The following ATP6V1C2 variants were observed in gnomAD, a reference collection of about 807,000 sequenced individuals.
ATP6V1C2 encodes ATPase H+ transporting V1 subunit C2, also known as V-type proton ATPase subunit C 2.
A neutral mutation model predicts 56.8 loss-of-function variants in ATP6V1C2; 45 were observed. The ratio of observed to expected loss-of-function variants is 0.79; its 90% CI spans 0.62 to 1.02. ATP6V1C2 has a LOEUF of 1.02. ATP6V1C2 is among the 50% of genes least tolerant of loss of function. The probability of loss-of-function intolerance (pLI) is 0.00; values close to 1 mark genes in which losing one functional copy is unlikely to be tolerated. For synonymous variants in ATP6V1C2, 220 were observed against 201.3 expected (o/e 1.09, Z -0.79); for missense variants, 463 against 519.7 (o/e 0.89, Z 1.06).
At chr2:10,721,124 T>C (rs979852968), upstream of ATP6V1C2, among the ~76,000 whole-genome samples, 1 of 152,148 alleles carries the variant, frequency 6.6e-6, no homozygotes, top group Non-Finnish European at 1.5e-5. Flanking sequence ...AGCTTCGCTG[T>C]CTACGCAGGT....
At chr2:10,770,998 G>A (rs1045140685) in intron 6 of ATP6V1C2, among the ~76,000 whole-genome samples, 8 of 152,218 alleles carry the variant, frequency 5.3e-5, no homozygotes, top group African/African-American at 1.9e-4. Context: ...TAAGGGTAAC[G>A]TGTTCAGTGC....
chr2:10,772,896 G>T (rs1399901363), intron 8 of ATP6V1C2, among the ~76,000 whole-genome samples: 1 of 152,226 alleles, frequency 6.6e-6, no homozygotes, highest in Non-Finnish European at 1.5e-5. Flanking sequence ...GCTGCATTCT[G>T]GCTCTGTGTT....
In ATP6V1C2 at chr2:10,782,282, G is replaced by A; in HGVS notation, c.1101G>A (p.Gln367=). ...TGAACTTCCAGGCAGTGCTCCTGCA[G>A]CCGCATAAGAAGTCATCCACCAAGC... ...LPVNFQAVLL[Q]PHKKSSTKRL... Residue 367 remains glutamine, a synonymous_variant, in exon 13 of 14, where the codon CAG becomes CAA. Transcript: ENST00000272238. 1 of 1,614,226 alleles carries A rather than the reference G, an allele frequency of 6.2e-7. No individual in the cohort carries two copies. The highest frequency in any genetic ancestry group is 8.5e-7 in the Non-Finnish European group (1 of 1,180,052).
chr2:10,775,312 G>T (rs967767490), intron 10 of ATP6V1C2, among the ~76,000 whole-genome samples: 1 of 152,336 alleles, frequency 6.6e-6, no homozygotes, highest in Non-Finnish European at 1.5e-5. Context: ...CCAAGCTGGC[G>T]CTTTCCACAT....
intron 3 of ATP6V1C2, among the ~76,000 whole-genome samples, chr2:10,737,797 G>A (rs1483805757): frequency 3.3e-5 from 5 of 152,100 alleles, no homozygotes; most frequent in African/African-American, 9.7e-5. Context: ...GGGTTCAAGC[G>A]ATTCTCCTGC....
At chr2:10,778,353 T>A in intron 11 of ATP6V1C2, 1 of 565,420 alleles carries the variant, frequency 1.8e-6, no homozygotes, top group Non-Finnish European at 3.2e-6. Flanking sequence ...GCCCCGTGCA[T>A]GCACCGGGTG....
intron 4 of ATP6V1C2, among the ~76,000 whole-genome samples, chr2:10,754,542 ATTTTCTTTTCTTTTCTTTTCTTTTC>A (rs141329846): frequency 8.9e-5 from 13 of 145,284 alleles, no homozygotes; most frequent in Middle Eastern, 3.5e-3. Context: ...TATTATGATA[ATTTTCTTTTCTTTTCTTTTCTTTTC>A]TTTTCTTTTC....
chr2:10,733,785 G>A (rs1184770496), intron 3 of ATP6V1C2, among the ~76,000 whole-genome samples: 7 of 152,226 alleles, frequency 4.6e-5, no homozygotes, highest in Non-Finnish European at 8.8e-5. Context: ...TGGGTGCTGT[G>A]GTGCTTGGTG....
chr2:10,745,968 G>A (rs759387420), intron 3 of ATP6V1C2, among the ~76,000 whole-genome samples: 5 of 152,248 alleles, frequency 3.3e-5, no homozygotes, highest in South Asian at 2.1e-4. Flanking sequence ...GACTAGTGCC[G>A]CATCGTATGG....
In ATP6V1C2 at chr2:10,771,420, G is replaced by A. The variant is rs192614954; in HGVS notation, c.471-419G>A. ...CTGTAAAGTGACACGGAGCTCTATC[G>A]AGGACGGCTCAACGCAGCCCTAAGA... On this transcript the variant is annotated intron_variant, in intron 6 of 13. Coordinates refer to ENST00000272238, the MANE Select transcript of ATP6V1C2 (RefSeq NM_001039362.2). Among the ~76,000 whole-genome samples the A allele has an allele frequency of 2.9e-3, 449 of 152,344 alleles. 3 individuals are homozygous for A. Among genetic ancestry groups the A allele is most frequent in the Non-Finnish European group, 4.2e-3 (288 of 68,030 alleles).
chr2:10,782,858 A>G (rs1665465124), intron 13 of ATP6V1C2, among the ~76,000 whole-genome samples: 1 of 141,634 alleles, frequency 7.1e-6, no homozygotes, highest in Non-Finnish European at 1.5e-5. Context: ...AAAAAAAAAA[A>G]AAAAATTTGC....
intron 3 of ATP6V1C2, among the ~76,000 whole-genome samples, chr2:10,748,389 A>G (rs952239457): frequency 6.6e-6 from 1 of 152,138 alleles, no homozygotes; most frequent in African/African-American, 2.4e-5. Context: ...TTCCATGTGT[A>G]TGATGTTAAC....
intron 3 of ATP6V1C2, among the ~76,000 whole-genome samples, chr2:10,731,640 G>A (rs752610149): frequency 1.3e-5 from 2 of 152,154 alleles, no homozygotes; most frequent in African/African-American, 2.4e-5. Context: ...GTGACAAACC[G>A]CAGAAGGAGA....
chr2:10,772,346 T>A (rs1213006596), intron 7 of ATP6V1C2, among the ~76,000 whole-genome samples, 196 bp from the exon 8 acceptor site: 1 of 152,140 alleles, frequency 6.6e-6, no homozygotes, highest in Non-Finnish European at 1.5e-5. Context: ...AAGGGACTTC[T>A]GTGGGTACCC....
intron 3 of ATP6V1C2, among the ~76,000 whole-genome samples, chr2:10,743,722 C>T (rs778682538): frequency 9.9e-5 from 15 of 151,612 alleles, no homozygotes; most frequent in Admixed American, 5.3e-4. Flanking sequence ...AGGTGGCTCA[C>T]GCCTGTAATC....
At chr2:10,728,736 C>T (rs563705030) in intron 3 of ATP6V1C2, among the ~76,000 whole-genome samples, 18 of 144,924 alleles carry the variant, frequency 1.2e-4, no homozygotes, top group Non-Finnish European at 1.8e-4. Context: ...GATCATGCCA[C>T]GGCACTCCGG....
intron 4 of ATP6V1C2, 43 bp downstream of exon 4, chr2:10,754,109 T>G: frequency 6.6e-7 from 1 of 1,518,762 alleles, no homozygotes. Flanking sequence ...ATCTCCCCGC[T>G]CCCTCTAGAC....
In ATP6V1C2 at chr2:10,784,068, G is replaced by T; in HGVS notation, c.*805G>T. ...AATTCACCGGCTACAACAATTCATA[G>T]AATTTTTCAATGTTTTCTTGAGATG... On this transcript the variant is annotated 3_prime_UTR_variant, in exon 14 of 14. Transcript: ENST00000272238. The T allele has an allele frequency of 2.3e-6, 1 of 437,246 alleles. No homozygotes were observed. Among genetic ancestry groups the T allele is most frequent in the Non-Finnish European group, 4.0e-6 (1 of 247,000 alleles). The allele number at this position is 437,246 out of a possible 1,614,324, so 27.1% of individuals were successfully genotyped here. A position where few individuals can be genotyped will look rare whatever the true frequency, so the allele number is the denominator to read the frequency against.
Position 10,767,663 on chromosome 2 carries a change from G to A in ATP6V1C2, c.379-1056G>A, listed in dbSNP as rs559300499. ...AGTAGAGGCAGGGTTTTACCATGTTGGCCAGGCTGGTCTCAAACTCCTGAC... is the reference window on the plus strand; with the variant it reads ...AGTAGAGGCAGGGTTTTACCATGTTAGCCAGGCTGGTCTCAAACTCCTGAC... On this transcript the variant is annotated intron_variant, in intron 5 of 13. Transcript: ENST00000272238. Among the ~76,000 whole-genome samples, 8 of 152,168 alleles carry A rather than the reference G, an allele frequency of 5.3e-5. No homozygotes were observed. In the East Asian group the frequency reaches 7.7e-4, roughly 15 times the overall value.
Sources: allele counts gnomAD v4.1 joint callset (sites outside exome capture counted in the v4.1 genomes callset), GRCh38; gene constraint gnomAD v4.1.1; transcripts MANE v1.5; gene names NCBI Gene and HGNC (gene_info 2026-07-23, HGNC 2026-07-21).